ZNF827: variants seen among roughly 807,000 people sequenced by gnomAD.
The protein encoded by ZNF827 is zinc finger protein 827.
Under a neutral mutation model 102.4 loss-of-function variants are expected in ZNF827, and 13 were observed. The ratio of observed to expected loss-of-function variants is 0.13; its 90% CI spans 0.08 to 0.20. The LOEUF (loss-of-function observed/expected upper bound fraction) is 0.20, where lower values mean the gene tolerates loss of function less well. Among genes scored for constraint, ZNF827 ranks in the 10% least tolerant of loss-of-function variants. ZNF827 has a pLI of 1.00. For synonymous variants in ZNF827, 523 were observed against 536.2 expected (o/e 0.98, Z 0.34); for missense variants, 1,103 against 1,344.4 (o/e 0.82, Z 2.81).
At chr4:145,931,077 T>TA (rs953997158) in intron 1 of ZNF827, among the ~76,000 whole-genome samples, 1 of 152,032 alleles carries the variant, frequency 6.6e-6, no homozygotes, top group Non-Finnish European at 1.5e-5. Context: ...TCCAATATCA[T>TA]AAAAAATAAC....
At position 145,930,782 on chromosome 4, in the gene ZNF827, G is replaced by A. The variant is rs147931926; in HGVS notation, c.43+7583C>T. The stretch of plus-strand genomic sequence containing the variant: ...CACATTCTGACCTCAGATCGTGGGC[G>A]CGTATCACTGTGCATTTTATAAAAT... On this transcript the variant is annotated intron_variant, in intron 1 of 14. Transcript: ENST00000508784. Among the ~76,000 whole-genome samples, 814 of 152,260 alleles carry A rather than the reference G, an allele frequency of 5.3e-3. 6 individuals are homozygous for A. Among genetic ancestry groups the A allele is most frequent in the Non-Finnish European group, 8.3e-3 (568 of 68,028 alleles).
At chr4:145,824,063 G>C (rs1743425917) in intron 7 of ZNF827, among the ~76,000 whole-genome samples, 1 of 152,128 alleles carries the variant, frequency 6.6e-6, no homozygotes, top group South Asian at 2.1e-4. Context: ...TGTTGGTTCT[G>C]ATGGAGTTAA....
chr4:145,840,279 G>A (rs1745283176), intron 7 of ZNF827, among the ~76,000 whole-genome samples: 1 of 152,250 alleles, frequency 6.6e-6, no homozygotes, highest in Non-Finnish European at 1.5e-5. Flanking sequence ...AGATAGTGGT[G>A]TAGGCTGTGC....
chr4:145,803,405 G>T (rs1741108999), intron 8 of ZNF827, among the ~76,000 whole-genome samples: 1 of 151,870 alleles, frequency 6.6e-6, no homozygotes, highest in South Asian at 2.1e-4. Context: ...AGCTCAAGCT[G>T]GTTACCACCA....
chr4:145,859,780 G>C (rs1005643589), intron 5 of ZNF827, among the ~76,000 whole-genome samples: 14 of 152,116 alleles, frequency 9.2e-5, no homozygotes, highest in African/African-American at 3.4e-4. Context: ...ACTGGATAGC[G>C]AGACCCTAGT....
At chr4:145,889,603 GAGT>G (rs1338067940) in intron 3 of ZNF827, among the ~76,000 whole-genome samples, 1 of 150,184 alleles carries the variant, frequency 6.7e-6, no homozygotes, top group African/African-American at 2.5e-5. Context: ...GCCCAGGCTG[GAGT>G]GCAGTGGTGC....
chr4:145,783,465 C>T (rs998872209), intron 8 of ZNF827, among the ~76,000 whole-genome samples: 1 of 152,214 alleles, frequency 6.6e-6, no homozygotes, highest in Non-Finnish European at 1.5e-5. Context: ...CAGTCCTGAG[C>T]CATACTCCTA....
At position 145,797,211 on chromosome 4, in the gene ZNF827, C is replaced by G. The variant is rs2127088354; in HGVS notation, c.2384-17700G>C. Among the ~76,000 whole-genome samples, 3 of 152,292 alleles carry G rather than the reference C, an allele frequency of 2.0e-5. No homozygotes were observed. The South Asian group carries it at 6.2e-4, about 32-fold the overall frequency. ...ATGATGTTCTAGCATAATTTAATATCCTAAAAGAAAAATTAGAGGTCAGAT... is the reference window on the plus strand; with the variant it reads ...ATGATGTTCTAGCATAATTTAATATGCTAAAAGAAAAATTAGAGGTCAGAT... On this transcript the variant is annotated intron_variant, in intron 8 of 14. Coordinates refer to ENST00000508784, the MANE Select transcript of ZNF827 (RefSeq NM_001306215.2).
chr4:145,918,233 T>G (rs2048159), intron 1 of ZNF827, among the ~76,000 whole-genome samples: 101,243 of 150,254 alleles, frequency 0.67, 36,433 homozygotes, highest in African/African-American at 0.91. Flanking sequence ...TGGTAAATCC[T>G]ACTTTATGCT....
At chr4:145,938,222 G>A (rs1754378277) in intron 1 of ZNF827, 143 bp downstream of exon 1, 3 of 944,792 alleles carry the variant, frequency 3.2e-6, no homozygotes, top group African/African-American at 1.6e-5. Flanking sequence ...CCTAAACGAG[G>A]AGTAACCCGG....
intron 1 of ZNF827, among the ~76,000 whole-genome samples, chr4:145,920,068 A>G (rs1179163441): frequency 1.3e-5 from 2 of 152,268 alleles, no homozygotes; most frequent in Admixed American, 6.5e-5. Flanking sequence ...AAGGTAAATT[A>G]GCATTACATA....
At chr4:145,880,350 T>C (rs1050892787) in intron 4 of ZNF827, among the ~76,000 whole-genome samples, 6 of 152,260 alleles carry the variant, frequency 3.9e-5, no homozygotes, top group South Asian at 2.1e-4. Context: ...CCACCTACTA[T>C]GGCGTTGCCA....
Position 145,761,968 on chromosome 4 carries a change from C to T in ZNF827, c.*18-370G>A, listed in dbSNP as rs1353070598. 6.6e-6 allele frequency among the ~76,000 whole-genome samples: 1 copy of T among 152,122 alleles called. No individual in the cohort carries two copies. Among genetic ancestry groups the T allele is most frequent in the Non-Finnish European group, 1.5e-5 (1 of 68,024 alleles). On this transcript the variant is annotated intron_variant, in intron 14 of 14. Transcript: ENST00000508784. The surrounding 1 kb of genome is among the most constrained non-coding windows in gnomAD (Gnocchi z 6.8). ...GCCCTCCCCACTCCCGACCAGACAG[C>T]GCAGAGGTCTAAACCTCCTGACCTC...
intron 7 of ZNF827, among the ~76,000 whole-genome samples, chr4:145,829,684 A>T (rs1029897155): frequency 6.6e-6 from 1 of 152,204 alleles, no homozygotes; most frequent in Non-Finnish European, 1.5e-5. Flanking sequence ...GTGGGAGCCA[A>T]CGTGTTCTTT....
Position 145,938,425 on chromosome 4 carries a change from A to G in ZNF827, c.-18T>C. 1 of 1,592,342 alleles carries G rather than the reference A, an allele frequency of 6.3e-7. No homozygotes were observed. Among genetic ancestry groups the G allele is most frequent in the Non-Finnish European group, 8.6e-7 (1 of 1,168,288 alleles). On this transcript the variant is annotated 5_prime_UTR_variant, in exon 1 of 15. An upstream start codon of the reference 5' UTR is lost. Coordinates refer to ENST00000508784, the MANE Select transcript of ZNF827 (RefSeq NM_001306215.2). Reference sequence around the variant, plus strand: ...CTGGGCATTTTCCCCCTTTTCTCACATTCTCCTCCTTGGTTAATGTGAGAT... The same window carrying G: ...CTGGGCATTTTCCCCCTTTTCTCACGTTCTCCTCCTTGGTTAATGTGAGAT...
At chr4:145,878,806 A>G (rs926681628) in intron 4 of ZNF827, among the ~76,000 whole-genome samples, 1 of 151,582 alleles carries the variant, frequency 6.6e-6, no homozygotes, top group African/African-American at 2.4e-5. Flanking sequence ...AGAGCTAGCC[A>G]GACAGGAGCA....
intron 2 of ZNF827, among the ~76,000 whole-genome samples, chr4:145,900,167 A>C (rs1751302563): frequency 6.6e-6 from 1 of 152,146 alleles, no homozygotes; most frequent in African/African-American, 2.4e-5. Context: ...AAAAAATTAT[A>C]TTCACAACCA....
Position 145,759,265 on chromosome 4 carries a change from T to G in ZNF827, c.*2351A>C, listed in dbSNP as rs778646222. 2 of 152,242 alleles carry G rather than the reference T, an allele frequency of 1.3e-5. No homozygotes were observed. Among genetic ancestry groups the G allele is most frequent in the Non-Finnish European group, 2.9e-5 (2 of 68,048 alleles). The allele number at this position is 152,242 out of a possible 1,614,324, so 9.4% of individuals were successfully genotyped here. A position where few individuals can be genotyped will look rare whatever the true frequency, so the allele number is the denominator to read the frequency against. On this transcript the variant is annotated 3_prime_UTR_variant, in exon 15 of 15. Coordinates refer to ENST00000508784, the MANE Select transcript of ZNF827 (RefSeq NM_001306215.2). ...TTAAAAATACAAGCAATGAACATAT[T>G]CAGCCAAAGATTTTTTTCCTTTTTT...
chr4:145,899,876 G>A (rs1179022949), intron 2 of ZNF827, among the ~76,000 whole-genome samples: 1 of 152,126 alleles, frequency 6.6e-6, no homozygotes, highest in Non-Finnish European at 1.5e-5. Flanking sequence ...CTTTCAGTTT[G>A]AACATTCTGA....
Sources: gnomAD v4.1 joint callset for allele counts (sites outside exome capture counted in the v4.1 genomes callset) on GRCh38, gnomAD v4.1.1 for gene constraint, Gnocchi (gnomAD v3.1) non-coding constraint, MANE v1.5 for transcripts, NCBI Gene and HGNC (gene_info 2026-07-23, HGNC 2026-07-21) for gene names.